Variants in PRDM16 observed in about 807,000 individuals in gnomAD.
PRDM16 encodes the protein histone-lysine N-methyltransferase PRDM16.
PRDM16 carries 23 observed loss-of-function variants against 110.6 expected under a neutral mutation model. That is an observed-to-expected ratio of 0.21 (90% confidence interval 0.15 to 0.29). PRDM16 has a LOEUF of 0.29. Ranked by LOEUF, PRDM16 falls within the 10% of genes least tolerant of loss-of-function variation. PRDM16 has a pLI of 1.00. For synonymous variants in PRDM16, 799 were observed against 781.8 expected (o/e 1.02, Z -0.37); for missense variants, 1,615 against 1,794.3 (o/e 0.90, Z 1.81).
At position 3,411,647 on chromosome 1, in the gene PRDM16, G is replaced by T; in HGVS notation, c.1450G>T (p.Gly484Cys). The change falls in exon 9 of 17, where the codon GGC (glycine) becomes TGC (cysteine). Residue 484 changes from glycine (G) to cysteine (C), a missense_variant. Transcript: ENST00000270722. Reference sequence around the variant, plus strand: ...CCCCAGCCTCAATCACGCCAGCCTGGGCTTCAACGAGTACTTTCCCTCCAG... The same window carrying T: ...CCCCAGCCTCAATCACGCCAGCCTGTGCTTCAACGAGTACTTTCCCTCCAG... Reference protein sequence around the residue: ...PSPSLNHASLGFNEYFPSRPH... With the variant: ...PSPSLNHASLCFNEYFPSRPH... 1 of 1,613,706 alleles carries T rather than the reference G, an allele frequency of 6.2e-7. No homozygotes were observed. Among genetic ancestry groups the T allele is most frequent in the African/African-American group, 1.3e-5 (1 of 75,030 alleles).
At chr1:3,227,433 T>C (rs1350257300) in intron 2 of PRDM16, among the ~76,000 whole-genome samples, 3 of 152,224 alleles carry the variant, frequency 2.0e-5, no homozygotes, top group African/African-American at 7.2e-5. Flanking sequence ...CGGGCCTCCG[T>C]CAACTCAGCT....
chr1:3,333,302 G>C (rs1642080366), intron 3 of PRDM16, among the ~76,000 whole-genome samples: 1 of 152,132 alleles, frequency 6.6e-6, no homozygotes, highest in Admixed American at 6.5e-5. Flanking sequence ...TGGCGTGGCA[G>C]GGGTCTGGCT....
chr1:3,225,528 GC>G, intron 2 of PRDM16, among the ~76,000 whole-genome samples: 1 of 123,952 alleles, frequency 8.1e-6, no homozygotes, highest in Non-Finnish European at 1.7e-5. Flanking sequence ...TGTGCAGCTT[GC>G]CTGTGTGTGT....
At chr1:3,386,944 A>G (rs1476436877) in intron 4 of PRDM16, 1 of 152,148 alleles carries the variant, frequency 6.6e-6, no homozygotes, top group East Asian at 1.9e-4. Context: ...GGGTATCTTT[A>G]TGTGTCTAGC....
intron 3 of PRDM16, among the ~76,000 whole-genome samples, chr1:3,273,687 A>G (rs1328401370): frequency 6.6e-6 from 1 of 151,298 alleles, no homozygotes; most frequent in East Asian, 1.9e-4. Context: ...GTGTGTGTGC[A>G]TGTGGCAGGT....
At chr1:3,225,429 G>A (rs534088462) in intron 2 of PRDM16, among the ~76,000 whole-genome samples, 41 of 152,146 alleles carry the variant, frequency 2.7e-4, no homozygotes, top group African/African-American at 8.7e-4. Context: ...GGTCCCCGTC[G>A]GCCTCTGAAG....
rs1433155008 is a variant in PRDM16 at position 3,181,508 on chromosome 1, ACACG to A, written c.38-4614_38-4611del. On this transcript the variant is annotated intron_variant, in intron 1 of 16. Coordinates refer to ENST00000270722, the MANE Select transcript of PRDM16 (RefSeq NM_022114.4). ...CACACAGCCTTACGCATGGTCTTACACACGCAGTCTTACACAAGCGGTCTTACAC... is the reference window on the plus strand; with the variant it reads ...CACACAGCCTTACGCATGGTCTTACACAGTCTTACACAAGCGGTCTTACAC... Among the ~76,000 whole-genome samples the A allele has an allele frequency of 2.0e-5, 2 of 102,128 alleles. 1 individual carries two copies. The highest frequency in any genetic ancestry group is 7.4e-5 in the African/African-American group (2 of 26,996). 67.0% of individuals were successfully genotyped at this position (102,128 alleles called of 152,430 possible). A position where few individuals can be genotyped will look rare whatever the true frequency, so the allele number is the denominator to read the frequency against.
At chr1:3,214,083 G>A (rs565303413) in intron 2 of PRDM16, among the ~76,000 whole-genome samples, 7 of 152,258 alleles carry the variant, frequency 4.6e-5, no homozygotes, top group Admixed American at 1.3e-4. Context: ...AGGACTGCCC[G>A]GGAGGCTCTG....
chr1:3,099,693 A>T (rs1642487734), intron 1 of PRDM16, among the ~76,000 whole-genome samples: 2 of 152,196 alleles, frequency 1.3e-5, no homozygotes, highest in South Asian at 4.2e-4. Context: ...CTTGGGGAGC[A>T]GGCTCACCGC....
At chr1:3,313,691 G>T (rs1641522349) in intron 3 of PRDM16, among the ~76,000 whole-genome samples, 1 of 152,238 alleles carries the variant, frequency 6.6e-6, no homozygotes, top group Non-Finnish European at 1.5e-5. Context: ...GCTTCCGCCA[G>T]TGCCGCAGTT....
intron 1 of PRDM16, among the ~76,000 whole-genome samples, chr1:3,132,078 G>A (rs1325888669): frequency 1.3e-5 from 2 of 152,184 alleles, no homozygotes; most frequent in African/African-American, 2.4e-5. Context: ...TGGGAAATGA[G>A]CGATCAGGGG....
chr1:3,327,263 A>T (rs546320869), intron 3 of PRDM16, among the ~76,000 whole-genome samples: 36 of 152,188 alleles, frequency 2.4e-4, no homozygotes, highest in Admixed American at 5.9e-4. Context: ...CCCATGCAGA[A>T]CTCTGCCTGT....
At chr1:3,129,295 C>T (rs561457910) in intron 1 of PRDM16, among the ~76,000 whole-genome samples, 11 of 135,484 alleles carry the variant, frequency 8.1e-5, no homozygotes, top group African/African-American at 2.6e-4. Context: ...CTGGTGTGTG[C>T]GTGTCAGTGT....
intron 3 of PRDM16, among the ~76,000 whole-genome samples, chr1:3,324,739 C>G (rs896591777): frequency 7.1e-4 from 105 of 146,860 alleles, no homozygotes; most frequent in African/African-American, 2.4e-3. Flanking sequence ...CCGTCGTCAC[C>G]CCCCCTTGAT....
At chr1:3,388,599 G>A (rs552206933) in intron 4 of PRDM16, among the ~76,000 whole-genome samples, 2 of 152,330 alleles carry the variant, frequency 1.3e-5, no homozygotes, top group South Asian at 4.1e-4. Flanking sequence ...GAAGAGATGA[G>A]CTCCTCTACT....
intron 3 of PRDM16, among the ~76,000 whole-genome samples, chr1:3,262,552 G>T (rs577697803): frequency 6.6e-6 from 1 of 152,330 alleles, no homozygotes; most frequent in African/African-American, 2.4e-5. Flanking sequence ...CCTCCTGGTT[G>T]CAGGCTATTC....
intron 3 of PRDM16, among the ~76,000 whole-genome samples, chr1:3,252,443 T>TAGAGCCAGAAGAA (rs1342621363): frequency 6.6e-6 from 1 of 150,454 alleles, no homozygotes; most frequent in Non-Finnish European, 1.5e-5. Context: ...AAGAAGGCTC[T>TAGAGCCAGAAGAA]GGGGAGAGTG....
In PRDM16 at chr1:3,143,053, T is replaced by C. The variant is rs1292752790; in HGVS notation, c.38-43072T>C. ...GTTGCTGATGAGATCACATAGGGGCTGGAGAATTCGTACCCGCGGGCACCC... is the reference window on the plus strand; with the variant it reads ...GTTGCTGATGAGATCACATAGGGGCCGGAGAATTCGTACCCGCGGGCACCC... On this transcript the variant is annotated intron_variant, in intron 1 of 16. Transcript: ENST00000270722. The surrounding 1 kb of genome is among the most constrained non-coding windows in gnomAD (Gnocchi z 4.5). Among the ~76,000 whole-genome samples, 1 of 152,228 alleles carries C rather than the reference T, an allele frequency of 6.6e-6. No homozygotes were observed. Among genetic ancestry groups the C allele is most frequent in the Non-Finnish European group, 1.5e-5 (1 of 68,046 alleles).
chr1:3,329,210 C>T (rs754160731), intron 3 of PRDM16, among the ~76,000 whole-genome samples: 198 of 152,330 alleles, frequency 1.3e-3, no homozygotes, highest in Non-Finnish European at 1.5e-3. Flanking sequence ...GGGCCAGGCA[C>T]AGCTGCCCAG....
Sources: gnomAD v4.1 joint callset for allele counts (sites outside exome capture counted in the v4.1 genomes callset) on GRCh38, gnomAD v4.1.1 for gene constraint, Gnocchi (gnomAD v3.1) non-coding constraint, MANE v1.5 for transcripts, NCBI Gene and HGNC (gene_info 2026-07-23, HGNC 2026-07-21) for gene names.